The following NCMAP variants were observed in gnomAD, a reference collection of about 807,000 sequenced individuals.
The protein encoded by NCMAP is non-compact myelin associated protein.
In NCMAP, 8 loss-of-function variants were observed where a neutral mutation model predicts 7.8. The observed-to-expected ratio is 1.02, with a 90% confidence interval of 0.60 to 1.84. The LOEUF is 1.84. NCMAP is among the 40% of genes most tolerant of loss of function. NCMAP has a pLI of 0.00. For synonymous variants in NCMAP, 41 were observed against 52.9 expected (o/e 0.78, Z 0.98); for missense variants, 112 against 131.4 (o/e 0.85, Z 0.72).
rs1192179576 is a variant in NCMAP at position 24,602,335 on chromosome 1, CACT to C, written c.167+1312_167+1314del. Among the ~76,000 whole-genome samples the C allele has an allele frequency of 1.9e-3, 268 of 137,826 alleles. 1 individual carries two copies. The highest frequency in any genetic ancestry group is 9.1e-3 in the African/African-American group (256 of 28,132). The allele number at this position is 137,826 out of a possible 152,430, so 90.4% of individuals were successfully genotyped here. A position where few individuals can be genotyped will look rare whatever the true frequency, so the allele number is the denominator to read the frequency against. ...TATGAATATTATCCTGTAATCCCAG[CACT>C]TTGAGAGGCCGAGGCGGGCGGATCA... On this transcript the variant is annotated intron_variant, in intron 3 of 3. Coordinates refer to ENST00000374392, the MANE Select transcript of NCMAP (RefSeq NM_001010980.5).
intron 1 of NCMAP, among the ~76,000 whole-genome samples, chr1:24,574,992 G>T (rs959936288): frequency 5.3e-5 from 8 of 151,962 alleles, no homozygotes; most frequent in African/African-American, 1.7e-4. Flanking sequence ...GTTTCAACAT[G>T]TTGGCCAGGC....
intron 1 of NCMAP, among the ~76,000 whole-genome samples, chr1:24,583,531 T>C (rs956054936): frequency 1.3e-5 from 2 of 151,952 alleles, no homozygotes; most frequent in Admixed American, 6.6e-5. Flanking sequence ...CTGGCCAACA[T>C]GGGTGAAACC....
At chr1:24,571,106 C>T (rs1651376732) in intron 1 of NCMAP, among the ~76,000 whole-genome samples, 1 of 150,804 alleles carries the variant, frequency 6.6e-6, no homozygotes, top group South Asian at 2.1e-4. Context: ...GAGAGAAGGA[C>T]AGAGTGTGGT....
chr1:24,604,587 AAAAAAAAAAAAAAAAAAAATATATAT>A, intron 3 of NCMAP, among the ~76,000 whole-genome samples: 2 of 56,218 alleles, frequency 3.6e-5, no homozygotes, highest in Non-Finnish European at 5.9e-5. Context: ...AAAAAAAAAA[AAAAAAAAAAAAAAAAAAAATATATAT>A]ATATATATAT....
At chr1:24,569,826 T>G (rs1442902830) in intron 1 of NCMAP, among the ~76,000 whole-genome samples, 1 of 150,736 alleles carries the variant, frequency 6.6e-6, no homozygotes, top group Non-Finnish European at 1.5e-5. Context: ...AATGCTCCTC[T>G]TACTTTCAAG....
chr1:24,596,564 G>A (rs555263753), intron 2 of NCMAP, among the ~76,000 whole-genome samples: 2 of 152,118 alleles, frequency 1.3e-5, no homozygotes, highest in Admixed American at 6.6e-5. Context: ...CGCTCCTGGA[G>A]TCCCAGCTAC....
At chr1:24,599,184 G>T (rs1319810672) in intron 2 of NCMAP, among the ~76,000 whole-genome samples, 1 of 150,772 alleles carries the variant, frequency 6.6e-6, no homozygotes, top group Non-Finnish European at 1.5e-5. Flanking sequence ...GGAGACTGAG[G>T]CAGGAGAATC....
intron 1 of NCMAP, among the ~76,000 whole-genome samples, chr1:24,573,971 A>AAAAAC (rs1337931415): frequency 7.3e-6 from 1 of 137,490 alleles, no homozygotes; most frequent in African/African-American, 2.9e-5. Context: ...AAAAAAAAAA[A>AAAAAC]CAGAAAAAAG....
intron 1 of NCMAP, among the ~76,000 whole-genome samples, chr1:24,583,673 G>A (rs908122317): frequency 4.8e-5 from 7 of 144,690 alleles, no homozygotes; most frequent in East Asian, 2.0e-4. Context: ...CTGAGATCAC[G>A]CCACTGGACT....
chr1:24,587,395 C>T (rs535377733), intron 1 of NCMAP, among the ~76,000 whole-genome samples: 8 of 152,222 alleles, frequency 5.3e-5, no homozygotes, highest in Non-Finnish European at 8.8e-5. Context: ...CAACTACTAT[C>T]GCCACCTATT....
intron 1 of NCMAP, among the ~76,000 whole-genome samples, chr1:24,570,436 A>G (rs546058283): frequency 6.6e-6 from 1 of 150,810 alleles, no homozygotes; most frequent in Non-Finnish European, 1.5e-5. Context: ...TCAAGGCTGG[A>G]GTGAGCCGTG....
At chr1:24,594,066 A>G (rs1652138156) in intron 1 of NCMAP, among the ~76,000 whole-genome samples, 1 of 151,546 alleles carries the variant, frequency 6.6e-6, no homozygotes, top group Non-Finnish European at 1.5e-5. Flanking sequence ...TAATTTTTGT[A>G]TTTTTAGTAG....
chr1:24,592,600 G>A (rs748300104), intron 1 of NCMAP, among the ~76,000 whole-genome samples: 1 of 152,128 alleles, frequency 6.6e-6, no homozygotes, highest in African/African-American at 2.4e-5. Context: ...AGGGATTTCA[G>A]CTATGTCTGA....
intron 1 of NCMAP, among the ~76,000 whole-genome samples, chr1:24,560,490 C>T (rs1651019166): frequency 6.6e-6 from 1 of 152,188 alleles, no homozygotes; most frequent in Non-Finnish European, 1.5e-5. Context: ...CAAATGTGGG[C>T]CCGGGGTGTT....
chr1:24,573,524 G>C (rs934503988), intron 1 of NCMAP, among the ~76,000 whole-genome samples: 4 of 150,818 alleles, frequency 2.7e-5, no homozygotes, highest in Non-Finnish European at 5.9e-5. Flanking sequence ...GGAGGCAGAG[G>C]TTGCAGTGAG....
intron 1 of NCMAP, among the ~76,000 whole-genome samples, chr1:24,578,893 C>T (rs1651668299): frequency 6.6e-6 from 1 of 152,104 alleles, no homozygotes; most frequent in African/African-American, 2.4e-5. Context: ...ATCATAAACT[C>T]ATCCGGCAAA....
At chr1:24,601,778 C>T (rs1400714707) in intron 3 of NCMAP, among the ~76,000 whole-genome samples, 4 of 152,116 alleles carry the variant, frequency 2.6e-5, no homozygotes, top group African/African-American at 9.7e-5. Context: ...CGGTGGCTCA[C>T]GCCTGTAATC....
chr1:24,568,912 CA>C (rs1651305592), intron 1 of NCMAP, among the ~76,000 whole-genome samples: 2 of 152,156 alleles, frequency 1.3e-5, no homozygotes, highest in African/African-American at 4.8e-5. Context: ...CATGCGTCAC[CA>C]TACCCGGCTC....
chr1:24,602,381 GACCACGGTGAA>G (rs1300742633), intron 3 of NCMAP, among the ~76,000 whole-genome samples: 2 of 135,806 alleles, frequency 1.5e-5, no homozygotes, highest in Non-Finnish European at 3.0e-5. Flanking sequence ...AGGAGATCGA[GACCACGGTGAA>G]ACCCCGTCTC....
Sources: gnomAD v4.1 joint callset for allele counts (sites outside exome capture counted in the v4.1 genomes callset) on GRCh38, gnomAD v4.1.1 for gene constraint, MANE v1.5 for transcripts, NCBI Gene and HGNC (gene_info 2026-07-23, HGNC 2026-07-21) for gene names.